Variants in AGA observed in about 807,000 individuals in gnomAD.
The protein encoded by AGA is N(4)-(beta-N-acetylglucosaminyl)-L-asparaginase.
Under a neutral mutation model 40.1 loss-of-function variants are expected in AGA, and 31 were observed. That is an observed-to-expected ratio of 0.77 (90% confidence interval 0.58 to 1.04). The LOEUF is 1.04. Ranked by LOEUF, AGA falls within the 50% of genes least tolerant of loss-of-function variation. The pLI is 0.00. For synonymous variants in AGA, 148 were observed against 144.0 expected (o/e 1.03, Z -0.20); for missense variants, 445 against 435.4 (o/e 1.02, Z -0.20).
chr4:177,432,461 A>T (rs1443308423), intron 8 of AGA, among the ~76,000 whole-genome samples: 1 of 152,174 alleles, frequency 6.6e-6, no homozygotes, highest in Non-Finnish European at 1.5e-5. Flanking sequence ...TTGATACATA[A>T]AGCTTTTCCC....
At chr4:177,435,386 CTTG>C (rs910821787) in intron 6 of AGA, among the ~76,000 whole-genome samples, 32 of 152,148 alleles carry the variant, frequency 2.1e-4, no homozygotes, top group Non-Finnish European at 3.4e-4. Context: ...TTTAAAAGAA[CTTG>C]TTATCAGCCA....
Position 177,434,853 on chromosome 4 carries a change from GCTGA to G in AGA, c.699-368_699-365del, listed in dbSNP as rs568313726. Among the ~76,000 whole-genome samples, 60 of 152,176 alleles carry G rather than the reference GCTGA, an allele frequency of 3.9e-4. No homozygotes were observed. In the South Asian group the frequency reaches 5.6e-3, roughly 14 times the overall value. ...GTTCCAGAGGCCTACTGCGGATCATGCTGACTAAGGTTAATAACAATAGAGTGCA... is the reference window on the plus strand; with the variant it reads ...GTTCCAGAGGCCTACTGCGGATCATGCTAAGGTTAATAACAATAGAGTGCA... On this transcript the variant is annotated intron_variant, in intron 6 of 8. Transcript: ENST00000264595.
chr4:177,434,759 G>A (rs1211593961), intron 6 of AGA, among the ~76,000 whole-genome samples: 1 of 152,158 alleles, frequency 6.6e-6, no homozygotes, highest in African/African-American at 2.4e-5. Flanking sequence ...GTTACTGGAG[G>A]CTGGGGGGAG....
rs1489211352 is a variant in AGA at position 177,440,376 on chromosome 4, C to T, written c.178G>A (p.Gly60Ser). ...TGCTCTCTCTCACACATGGCACAGC[C>T]GCTCTCCACTGCATCCAGGGCAGAG... The part of the protein sequence containing the change: ...GGSALDAVES[G>S]CAMCEREQCD... Residue 60 changes from glycine (G) to serine (S), a missense_variant, in exon 2 of 9, where the codon GGC becomes AGC. By Grantham distance (56) the Gly-to-Ser change is moderately conservative. Coordinates refer to ENST00000264595, the MANE Select transcript of AGA (RefSeq NM_000027.4). 4.3e-6 allele frequency: 7 copies of T among 1,613,940 alleles called. No homozygotes were observed. Among genetic ancestry groups the T allele is most frequent in the Non-Finnish European group, 5.9e-6 (7 of 1,180,036 alleles).
rs1441138117 is a variant in AGA, at chr4:177,431,574, C to T, written c.*134G>A. 1.3e-6 allele frequency: 1 copy of T among 765,048 alleles called. No individual in the cohort carries two copies. Among genetic ancestry groups the T allele is most frequent in the South Asian group, 1.5e-5 (1 of 66,198 alleles). 47.4% of individuals were successfully genotyped at this position (765,048 alleles called of 1,614,324 possible). ...TCAGATATAGAAAGTGCCAATTCAA[C>T]ATAAATTTATTTTTGTGTTTATTTT... On this transcript the variant is annotated 3_prime_UTR_variant, in exon 9 of 9. Coordinates refer to ENST00000264595, the MANE Select transcript of AGA (RefSeq NM_000027.4).
chr4:177,431,034 TA>T lies in AGA; in HGVS notation c.*673del. 2.2e-6 allele frequency: 1 copy of T among 453,998 alleles called. No homozygotes were observed. The highest frequency in any genetic ancestry group is 1.6e-5 in the South Asian group (1 of 64,476). 28.1% of individuals were successfully genotyped at this position (453,998 alleles called of 1,614,324 possible). A position where few individuals can be genotyped will look rare whatever the true frequency, so the allele number is the denominator to read the frequency against. The stretch of plus-strand genomic sequence containing the variant: ...CATTTTTAAAAGAAACGATCAATAC[TA>T]AATATTAGCAGCTAAAACATCATTG... On this transcript the variant is annotated 3_prime_UTR_variant, in exon 9 of 9. Coordinates refer to ENST00000264595, the MANE Select transcript of AGA (RefSeq NM_000027.4).
Position 177,430,807 on chromosome 4 carries a change from T to C in AGA, c.*901A>G, listed in dbSNP as rs1475754843. On this transcript the variant is annotated 3_prime_UTR_variant, in exon 9 of 9. Coordinates refer to ENST00000264595, the MANE Select transcript of AGA (RefSeq NM_000027.4). ...TCGTACATGTACATTTATTAATGAC[T>C]GTTGATTAAAAAGATGATTTTGAAG... The C allele has an allele frequency of 2.2e-6, 1 of 453,924 alleles. No individual in the cohort carries two copies. The highest frequency in any genetic ancestry group is 4.4e-6 in the Non-Finnish European group (1 of 226,644). The allele number at this position is 453,924 out of a possible 1,614,324, so 28.1% of individuals were successfully genotyped here.
At position 177,438,805 on chromosome 4, in the gene AGA, A is replaced by C; in HGVS notation, c.447T>G (p.Thr149=). 6.2e-7 allele frequency: 1 copy of C among 1,612,216 alleles called. No individual in the cohort carries two copies. The change falls in exon 4 of 9, where the codon ACT becomes ACG. Residue 149 remains threonine (T), a synonymous_variant. Coordinates refer to ENST00000264595, the MANE Select transcript of AGA (RefSeq NM_000027.4). Reference sequence around the variant, plus strand: ...AATCTGAATGAAGAGCTTGAGAAGCAGTGGTAGATAAGTCTTCATTGATAA... The same window carrying C: ...AATCTGAATGAAGAGCTTGAGAAGCCGTGGTAGATAAGTCTTCATTGATAA... ...MGFINEDLST[T]ASQALHSDWL...
intron 6 of AGA, among the ~76,000 whole-genome samples, chr4:177,434,691 G>C (rs1736751411): frequency 6.6e-6 from 1 of 152,120 alleles, no homozygotes; most frequent in Non-Finnish European, 1.5e-5. Flanking sequence ...GTAAGAATTT[G>C]TTATCAGACG....
In AGA at chr4:177,433,344, G is replaced by A; in HGVS notation, c.810C>T (p.Tyr270=). 6.2e-7 allele frequency: 1 copy of A among 1,613,966 alleles called. No homozygotes were observed. The highest frequency in any genetic ancestry group is 8.5e-7 in the Non-Finnish European group (1 of 1,179,952). The change falls in exon 8 of 9, where the codon TAC becomes TAT. Residue 270 remains tyrosine, a synonymous_variant. Transcript: ENST00000264595. ...GDILMRFLPS[Y]QAVEYMRRGE... Reference sequence around the variant, plus strand: ...CTCTTCTCATGTATTCTACAGCTTGGTAGCTGATTGAAACAGAGGTGAAAC... The same window carrying A: ...CTCTTCTCATGTATTCTACAGCTTGATAGCTGATTGAAACAGAGGTGAAAC...
intron 6 of AGA, 69 bp from the exon 7 acceptor site, chr4:177,434,558 C>T: frequency 7.8e-7 from 1 of 1,278,256 alleles, no homozygotes; most frequent in Non-Finnish European, 1.1e-6. Context: ...TAAGCTGTTC[C>T]AAATAAGGGA....
chr4:177,431,521 A>G lies in AGA; in HGVS notation c.*187T>C. On this transcript the variant is annotated 3_prime_UTR_variant, in exon 9 of 9. Transcript: ENST00000264595. ...TATTCATCTTCAGATAATATAAGAA[A>G]GGTTAAATAAAAATAGATAATACAA... The G allele has an allele frequency of 1.5e-6, 1 of 656,578 alleles. No homozygotes were observed. The highest frequency in any genetic ancestry group is 2.7e-6 in the Non-Finnish European group (1 of 364,556). 40.7% of individuals were successfully genotyped at this position (656,578 alleles called of 1,614,324 possible). A position where few individuals can be genotyped will look rare whatever the true frequency, so the allele number is the denominator to read the frequency against.
At chr4:177,440,695 G>A (rs1448403513) in intron 1 of AGA, among the ~76,000 whole-genome samples, 2 of 150,972 alleles carry the variant, frequency 1.3e-5, no homozygotes, top group African/African-American at 2.4e-5. Context: ...TTCTGTGTGC[G>A]AGAAACGAAA....
rs1449065951 is a variant in AGA, at chr4:177,436,328, C to G, written c.646G>C (p.Gly216Arg). Residue 216 changes from glycine to arginine, a missense_variant, in exon 6 of 9, where the codon GGA becomes CGA. Transcript: ENST00000264595. ...TIGMVVIHKTGHIAAGTSTNG... is the reference protein window; with the variant it reads ...TIGMVVIHKTRHIAAGTSTNG... ...GTAGATGTACCAGCAGCAATATGTC[C>G]TGTCTTATGGATTACAACCATGCCT... The G allele has an allele frequency of 6.2e-7, 1 of 1,613,514 alleles. No homozygotes were observed. The highest frequency in any genetic ancestry group is 2.2e-5 in the East Asian group (1 of 44,878).
intron 2 of AGA, 200 bp downstream of exon 2, chr4:177,440,073 C>T (rs1457876534): frequency 1.4e-5 from 9 of 643,074 alleles, no homozygotes; most frequent in South Asian, 3.8e-5. Context: ...AAGGGACTAC[C>T]TATCTCTCCA....
intron 1 of AGA, among the ~76,000 whole-genome samples, chr4:177,441,485 G>A (rs990223049): frequency 1.3e-5 from 2 of 152,136 alleles, no homozygotes; most frequent in Admixed American, 1.3e-4. Context: ...ATAATGGTAC[G>A]TAAAGGCTAT....
intron 6 of AGA, 142 bp from the exon 7 acceptor site, chr4:177,434,631 G>C: frequency 1.4e-6 from 1 of 696,002 alleles, no homozygotes; most frequent in Non-Finnish European, 2.5e-6. Flanking sequence ...AGACAGAACA[G>C]GTCTTCATTA....
Position 177,436,508 on chromosome 4 carries a change from G to A in AGA, c.623-157C>T, listed in dbSNP as rs1736825658. On this transcript the variant is annotated intron_variant, in intron 5 of 8. Transcript: ENST00000264595. Reference sequence around the variant, plus strand: ...ATTCCACAAGGTGATGGTATCAAGAGGTGAGGCCTTTGGGAGCTCATTAGG... The same window carrying A: ...ATTCCACAAGGTGATGGTATCAAGAAGTGAGGCCTTTGGGAGCTCATTAGG... Among the ~76,000 whole-genome samples, 3 of 152,146 alleles carry A rather than the reference G, an allele frequency of 2.0e-5. No individual in the cohort carries two copies. The South Asian group carries it at 6.2e-4, about 31-fold the overall frequency.
Position 177,431,585 on chromosome 4 carries a change from T to G in AGA, c.*123A>C. ...AAGTGCCAATTCAACATAAATTTAT[T>G]TTTGTGTTTATTTTACAAAAAGACT... On this transcript the variant is annotated 3_prime_UTR_variant, in exon 9 of 9. Transcript: ENST00000264595. 1.2e-6 allele frequency: 1 copy of G among 803,964 alleles called. No individual in the cohort carries two copies. Among genetic ancestry groups the G allele is most frequent in the Non-Finnish European group, 2.1e-6 (1 of 473,002 alleles). 49.8% of individuals were successfully genotyped at this position (803,964 alleles called of 1,614,324 possible).
Sources: allele counts gnomAD v4.1 joint callset (sites outside exome capture counted in the v4.1 genomes callset), GRCh38; gene constraint gnomAD v4.1.1; transcripts MANE v1.5; gene names NCBI Gene and HGNC (gene_info 2026-07-23, HGNC 2026-07-21).